Variants in NDP observed in about 807,000 individuals in gnomAD.
NDP encodes norrin cystine knot growth factor NDP, also known as norrin.
Under a neutral mutation model 8.4 loss-of-function variants are expected in NDP, and 2 were observed. That is an observed-to-expected ratio of 0.24 (90% CI 0.10 to 0.75). NDP has a LOEUF of 0.75. Ranked by LOEUF, NDP falls within the 30% of genes least tolerant of loss-of-function variation. The pLI is 0.73. For synonymous variants in NDP, 55 were observed against 45.6 expected (o/e 1.21, Z -0.83); for missense variants, 81 against 110.1 (o/e 0.74, Z 1.18).
chrX:43,950,458 C>CAAA (rs11292831), intron 2 of NDP, among the ~76,000 whole-genome samples: 5 of 59,297 alleles, frequency 8.4e-5, no homozygotes, highest in Non-Finnish European at 1.6e-4. Context: ...AAATGACTAC[C>CAAA]AAAAAAAAAA....
chrX:43,963,432 A>C (rs1034865969), intron 1 of NDP, among the ~76,000 whole-genome samples: 5 of 111,999 alleles, frequency 4.5e-5, no homozygotes, highest in Admixed American at 2.8e-4. Context: ...AAGTTAAGCA[A>C]ATAAAATATA....
chrX:43,957,664 T>A (rs191444199), intron 2 of NDP, among the ~76,000 whole-genome samples: 3 of 109,742 alleles, frequency 2.7e-5, no homozygotes, highest in Admixed American at 2.0e-4. Context: ...CATACGAGAA[T>A]GTTTAAGTGA....
intron 1 of NDP, among the ~76,000 whole-genome samples, chrX:43,965,106 A>G (rs1291456076): frequency 8.9e-6 from 1 of 112,129 alleles, no homozygotes; most frequent in African/African-American, 3.2e-5. Context: ...TTCTAAATTA[A>G]TAATATCCTG....
At position 43,960,657 on chromosome X, in the gene NDP, A is replaced by T. The variant is rs1335811723; in HGVS notation, c.-207-1805T>A. 4.4e-5 allele frequency: 5 copies of T among 112,533 alleles called. No homozygotes were observed. In the Admixed American group the frequency reaches 4.7e-4, roughly 11 times the overall value. The allele number at this position is 112,533 out of a possible 1,213,427, so 9.3% of individuals were successfully genotyped here. ...CTTTCTTGGGGTCCACTTTCAGAGGATGAAATATTACTGACCATTTCCCAA... is the reference window on the plus strand; with the variant it reads ...CTTTCTTGGGGTCCACTTTCAGAGGTTGAAATATTACTGACCATTTCCCAA... On this transcript the variant is annotated intron_variant, in intron 1 of 2. Coordinates refer to ENST00000642620, the MANE Select transcript of NDP (RefSeq NM_000266.4).
chrX:43,966,493 C>T (rs1367342751), intron 1 of NDP: 2 of 111,948 alleles, frequency 1.8e-5, no homozygotes, highest in Non-Finnish European at 3.8e-5. Flanking sequence ...GAATGAGACA[C>T]ACTCTACTGC....
At chrX:43,961,806 G>A (rs999582665) in intron 1 of NDP, among the ~76,000 whole-genome samples, 1 of 111,233 alleles carries the variant, frequency 9.0e-6, no homozygotes, top group Non-Finnish European at 1.9e-5. Context: ...TTACGGGAAG[G>A]CATGCTAGTC....
intron 1 of NDP, among the ~76,000 whole-genome samples, chrX:43,969,257 A>G (rs1192337353): frequency 8.9e-6 from 1 of 112,204 alleles, no homozygotes; most frequent in East Asian, 2.8e-4. Context: ...TTCTTTCACT[A>G]AATGGGTTTC....
intron 2 of NDP, among the ~76,000 whole-genome samples, chrX:43,951,822 G>T (rs2035764611): frequency 8.9e-6 from 1 of 111,973 alleles, no homozygotes; most frequent in Non-Finnish European, 1.9e-5. Flanking sequence ...GGAAGAATAA[G>T]TTGGACTAGA....
At chrX:43,956,401 A>G (rs1602066239) in intron 2 of NDP, among the ~76,000 whole-genome samples, 1 of 112,071 alleles carries the variant, frequency 8.9e-6, no homozygotes, top group Non-Finnish European at 1.9e-5. Context: ...TTTTCTTTGT[A>G]AAAAGAAGCT....
intron 1 of NDP, among the ~76,000 whole-genome samples, chrX:43,965,894 C>G (rs2035855452): frequency 9.0e-6 from 1 of 111,549 alleles, no homozygotes; most frequent in Admixed American, 9.5e-5. Context: ...TGGGCTGAGA[C>G]TTACGTCTAA....
At chrX:43,968,392 C>T (rs187542146) in intron 1 of NDP, among the ~76,000 whole-genome samples, 45 of 112,733 alleles carry the variant, frequency 4.0e-4, no homozygotes, top group Non-Finnish European at 7.1e-4. Context: ...GCACAATCTT[C>T]CTCAACAACT....
chrX:43,960,881 G>A (rs569656455), intron 1 of NDP: 7 of 112,433 alleles, frequency 6.2e-5, no homozygotes, highest in Middle Eastern at 9.2e-3. Flanking sequence ...TCTCTTCAGA[G>A]CCATGGCCAG....
At chrX:43,958,885 A>G in intron 1 of NDP, 33 bp from the exon 2 acceptor site, 2 of 395,203 alleles carry the variant, frequency 5.1e-6, no homozygotes, top group Non-Finnish European at 4.5e-6. Context: ...TTTCCCCAGA[A>G]TTATTTACCC....
intron 1 of NDP, among the ~76,000 whole-genome samples, chrX:43,968,438 C>A (rs1260319702): frequency 8.9e-6 from 1 of 112,893 alleles, no homozygotes; most frequent in East Asian, 2.8e-4. Context: ...AGCATGCAAC[C>A]TGCACAGCCA....
chrX:43,957,739 G>A (rs1228378750), intron 2 of NDP, among the ~76,000 whole-genome samples: 1 of 104,991 alleles, frequency 9.5e-6, no homozygotes, highest in African/African-American at 3.5e-5. Flanking sequence ...TATTTACCAA[G>A]TGTGGACAAA....
Position 43,954,031 on chromosome X carries a change from C to G in NDP, c.175-4005G>C, listed in dbSNP as rs966891274. ...CCATTAGCATCAGAATAAAGACCCA[C>G]CTGTCCCACCCTAGAAGAGCATTTT... is the stretch of plus-strand genomic sequence containing the variant. On this transcript the variant is annotated intron_variant, in intron 2 of 2. Transcript: ENST00000642620. Among the ~76,000 whole-genome samples the G allele has an allele frequency of 4.4e-5, 5 of 112,577 alleles. No individual in the cohort carries two copies. The East Asian group carries it at 1.1e-3, about 25-fold the overall frequency.
intron 1 of NDP, among the ~76,000 whole-genome samples, chrX:43,963,581 T>G (rs2035839307): frequency 8.9e-6 from 1 of 111,915 alleles, no homozygotes; most frequent in Non-Finnish European, 1.9e-5. Flanking sequence ...TGCAAAAACA[T>G]CAAAGATTTA....
At position 43,948,926 on chromosome X, in the gene NDP, T is replaced by C. The variant is rs2035744488; in HGVS notation, c.*873A>G. On this transcript the variant is annotated 3_prime_UTR_variant, in exon 3 of 3. Transcript: ENST00000642620. ...ACATGGACAAGTGGATATTAGAGAATGATGCCCGTGACACGGCTAAAGCTA... is the reference window on the plus strand; with the variant it reads ...ACATGGACAAGTGGATATTAGAGAACGATGCCCGTGACACGGCTAAAGCTA... The C allele has an allele frequency of 8.9e-6, 1 of 112,016 alleles. No homozygotes were observed. The highest frequency in any genetic ancestry group is 3.2e-5 in the African/African-American group (1 of 30,794). 9.2% of individuals were successfully genotyped at this position (112,016 alleles called of 1,213,427 possible). A position where few individuals can be genotyped will look rare whatever the true frequency, so the allele number is the denominator to read the frequency against.
intron 2 of NDP, among the ~76,000 whole-genome samples, chrX:43,951,634 C>T (rs2035762876): frequency 9.0e-6 from 1 of 111,480 alleles, no homozygotes; most frequent in Non-Finnish European, 1.9e-5. Context: ...ATTAAACACC[C>T]AAGGTTTACA....
Sources: gnomAD v4.1 joint callset for allele counts (sites outside exome capture counted in the v4.1 genomes callset) on GRCh38, gnomAD v4.1.1 for gene constraint, MANE v1.5 for transcripts, NCBI Gene and HGNC (gene_info 2026-07-23, HGNC 2026-07-21) for gene names.